Variants in DOCK1 observed in about 807,000 individuals in gnomAD.
DOCK1 encodes dedicator of cytokinesis protein 1.
A neutral mutation model predicts 262.7 loss-of-function variants in DOCK1; 138 were observed. The observed-to-expected ratio is 0.53, with a 90% confidence interval of 0.46 to 0.61. DOCK1 has a LOEUF of 0.61. Ranked by LOEUF, DOCK1 falls within the 20% of genes least tolerant of loss-of-function variation. DOCK1 has a pLI of 0.00. For synonymous variants in DOCK1, 866 were observed against 867.4 expected (o/e 1.00, Z 0.03); for missense variants, 1,908 against 2,370.7 (o/e 0.80, Z 4.05).
At chr10:126,944,026 T>C (rs1278811763) in intron 1 of DOCK1, among the ~76,000 whole-genome samples, 10 of 151,182 alleles carry the variant, frequency 6.6e-5, no homozygotes, top group Non-Finnish European at 8.8e-5. Flanking sequence ...CAGGAAGAGT[T>C]CATGGGCAGT....
At chr10:127,217,510 A>G (rs987262382) in intron 27 of DOCK1, among the ~76,000 whole-genome samples, 4 of 152,174 alleles carry the variant, frequency 2.6e-5, no homozygotes, top group African/African-American at 9.7e-5. Context: ...AAAATAGCAA[A>G]AACATATCTT....
At chr10:127,447,612 T>TCA in intron 51 of DOCK1, 67 bp downstream of exon 51, 2 of 1,572,542 alleles carry the variant, frequency 1.3e-6, no homozygotes, top group Non-Finnish European at 1.7e-6. Flanking sequence ...GAGTCCCTCA[T>TCA]TCCAGATACT....
chr10:127,035,529 A>G (rs367884159), intron 18 of DOCK1, among the ~76,000 whole-genome samples: 17 of 152,218 alleles, frequency 1.1e-4, no homozygotes, highest in South Asian at 8.3e-4. Flanking sequence ...CATTAGCCCA[A>G]TTGGACTTTG....
chr10:127,052,538 AAAG>A, intron 21 of DOCK1, 140 bp from the exon 22 acceptor site: 4 of 1,238,890 alleles, frequency 3.2e-6, no homozygotes, highest in Non-Finnish European at 2.2e-6. Context: ...AAAAAAAAAA[AAAG>A]AGAAAACGTT....
At chr10:127,248,173 C>G in intron 28 of DOCK1, 64 bp downstream of exon 28, 2 of 1,346,784 alleles carry the variant, frequency 1.5e-6, no homozygotes, top group Non-Finnish European at 2.1e-6. Flanking sequence ...AGACAAAAGC[C>G]TGATATCAAT....
In DOCK1 at chr10:127,031,264, C is replaced by G. The variant is rs576505667; in HGVS notation, c.1625-386C>G. Among the ~76,000 whole-genome samples, 300 of 152,284 alleles carry G rather than the reference C, an allele frequency of 2.0e-3. 1 individual carries two copies. The highest frequency in any genetic ancestry group is 3.7e-3 in the Non-Finnish European group (249 of 68,024). ...CTGGGCGTCTTAGGTTGAAAGCACA[C>G]AGTCTTTCTCATTGTCATTTTACAG... On this transcript the variant is annotated intron_variant, in intron 16 of 51. Coordinates refer to ENST00000623213, the MANE Select transcript of DOCK1 (RefSeq NM_001290223.2).
At chr10:126,998,446 C>T (rs2040363341) in intron 8 of DOCK1, 197 bp downstream of exon 8, 1 of 591,914 alleles carries the variant, frequency 1.7e-6, no homozygotes, top group African/African-American at 1.8e-5. Context: ...GGTGAACCTT[C>T]TTGCGTGTAG....
intron 21 of DOCK1, among the ~76,000 whole-genome samples, chr10:127,051,080 T>TGTA: frequency 6.6e-6 from 1 of 152,228 alleles, no homozygotes; most frequent in African/African-American, 2.4e-5. Context: ...TAATTACTTC[T>TGTA]GTAGTAGGAT....
In DOCK1 at chr10:127,446,128, T is replaced by C. The variant is rs888800196; in HGVS notation, c.5414-1266T>C. Among the ~76,000 whole-genome samples the C allele has an allele frequency of 3.9e-5, 6 of 152,088 alleles. No individual in the cohort carries two copies. Among genetic ancestry groups the C allele is most frequent in the Non-Finnish European group, 7.3e-5 (5 of 68,038 alleles). ...AGCTGGGTGTGGTGGTGCGTGCCTA[T>C]AATCTCAGCTACTCAGAAGGCTGAG... On this transcript the variant is annotated intron_variant, in intron 50 of 51. Transcript: ENST00000623213. The surrounding 1 kb of genome is among the most constrained non-coding windows in gnomAD (Gnocchi z 4.4).
chr10:127,076,217 A>T (rs1265248666), intron 23 of DOCK1, among the ~76,000 whole-genome samples: 1 of 152,182 alleles, frequency 6.6e-6, no homozygotes, highest in African/African-American at 2.4e-5. Flanking sequence ...TTAAGAAAAT[A>T]TCGGCCAGGC....
intron 29 of DOCK1, among the ~76,000 whole-genome samples, chr10:127,320,783 G>A (rs1035622024): frequency 6.6e-6 from 1 of 152,048 alleles, no homozygotes; most frequent in East Asian, 1.9e-4. Context: ...GAATGGATTT[G>A]CCCCCAGGAA....
intron 27 of DOCK1, among the ~76,000 whole-genome samples, chr10:127,185,277 C>T (rs2056122066): frequency 6.6e-6 from 1 of 152,068 alleles, no homozygotes; most frequent in Non-Finnish European, 1.5e-5. Flanking sequence ...GCCTGTAATC[C>T]CAGCACTTTG....
intron 1 of DOCK1, among the ~76,000 whole-genome samples, chr10:126,957,745 G>A (rs1032280716): frequency 6.6e-6 from 1 of 152,126 alleles, no homozygotes; most frequent in African/African-American, 2.4e-5. Flanking sequence ...TTTCCAAAGT[G>A]CTGGTTTTAC....
At chr10:127,436,207 T>C (rs1443119455) in intron 48 of DOCK1, among the ~76,000 whole-genome samples, 1 of 152,222 alleles carries the variant, frequency 6.6e-6, no homozygotes, top group Non-Finnish European at 1.5e-5. Context: ...TTAAATTTTT[T>C]AAGCATTTTA....
intron 1 of DOCK1, among the ~76,000 whole-genome samples, chr10:126,949,128 G>T (rs1020303567): frequency 1.3e-5 from 2 of 152,190 alleles, no homozygotes; most frequent in Non-Finnish European, 2.9e-5. Flanking sequence ...TGCCTGCCTG[G>T]CACTCTGGGT....
chr10:126,954,947 T>C (rs2036610792), intron 1 of DOCK1, among the ~76,000 whole-genome samples: 1 of 152,214 alleles, frequency 6.6e-6, no homozygotes, highest in Non-Finnish European at 1.5e-5. Context: ...TGCCTGATCA[T>C]ATAGTAGTTG....
intron 29 of DOCK1, among the ~76,000 whole-genome samples, chr10:127,331,279 GTTT>G (rs879258619): frequency 2.6e-5 from 4 of 151,722 alleles, no homozygotes; most frequent in East Asian, 3.9e-4. Context: ...TGTTGTTTTT[GTTT>G]TTTTTTGTTG....
chr10:127,343,885 A>G lies in DOCK1; in HGVS notation c.3224+139A>G, dbSNP rs1011314352. The G allele has an allele frequency of 1.3e-5, 9 of 709,546 alleles. No individual in the cohort carries two copies. In the South Asian group the frequency reaches 1.4e-4, roughly 11 times the overall value. 44.0% of individuals were successfully genotyped at this position (709,546 alleles called of 1,614,324 possible). On this transcript the variant is annotated intron_variant, in intron 31 of 51. Coordinates refer to ENST00000623213, the MANE Select transcript of DOCK1 (RefSeq NM_001290223.2). ...ATGAAAGGGTGGTTTTAAATCACCA[A>G]TCAGGTATTGCCTTTTCTAACCCAT...
chr10:126,923,279 A>G (rs1197145472), intron 1 of DOCK1, among the ~76,000 whole-genome samples: 1 of 152,198 alleles, frequency 6.6e-6, no homozygotes, highest in African/African-American at 2.4e-5. Context: ...ATAATATTGT[A>G]TGCTAGTTAT....
Sources: gnomAD v4.1 joint callset for allele counts (sites outside exome capture counted in the v4.1 genomes callset) on GRCh38, gnomAD v4.1.1 for gene constraint, Gnocchi (gnomAD v3.1) non-coding constraint, MANE v1.5 for transcripts, NCBI Gene and HGNC (gene_info 2026-07-23, HGNC 2026-07-21) for gene names.